The following FHIT variants were observed in gnomAD, a reference collection of about 807,000 sequenced individuals.
FHIT encodes the protein fragile histidine triad diadenosine triphosphatase, also known as bis(5'-adenosyl)-triphosphatase.
Under a neutral mutation model 17.9 loss-of-function variants are expected in FHIT, and 19 were observed. The observed-to-expected ratio is 1.06, with a 90% CI of 0.74 to 1.56. FHIT has a LOEUF of 1.56. Ranked by LOEUF, FHIT falls within the 40% of genes most tolerant of loss-of-function variation. The pLI is 0.00. For missense variants in FHIT, 248 were observed against 189.2 expected (o/e 1.31, Z -1.82); for synonymous variants, 81 against 69.7 (o/e 1.16, Z -0.81).
intron 6 of FHIT, among the ~76,000 whole-genome samples, chr3:60,012,401 T>G (rs1039983667): frequency 1.3e-5 from 2 of 151,068 alleles, no homozygotes; most frequent in Admixed American, 1.3e-4. Context: ...CCTGAGTAAC[T>G]GGGACTACAG....
chr3:60,958,475 C>T (rs1709272079), intron 3 of FHIT, among the ~76,000 whole-genome samples: 1 of 152,212 alleles, frequency 6.6e-6, no homozygotes, highest in Admixed American at 6.5e-5. Context: ...ATTATTTATA[C>T]TTAAGTCTTG....
chr3:60,513,969 C>G (rs780831220), intron 5 of FHIT, among the ~76,000 whole-genome samples: 1 of 152,184 alleles, frequency 6.6e-6, no homozygotes, highest in Admixed American at 6.5e-5. Flanking sequence ...CAAGAGGCAG[C>G]TGGACATCGG....
intron 3 of FHIT, among the ~76,000 whole-genome samples, chr3:61,018,289 A>T (rs1419387453): frequency 6.6e-6 from 1 of 152,222 alleles, no homozygotes; most frequent in Non-Finnish European, 1.5e-5. Flanking sequence ...AGGAAAAAGA[A>T]AGAGTTTTGA....
intron 2 of FHIT, among the ~76,000 whole-genome samples, chr3:61,145,768 CTAT>C (rs1203715143): frequency 6.6e-6 from 1 of 151,154 alleles, no homozygotes; most frequent in Non-Finnish European, 1.5e-5. Flanking sequence ...TTTTTGGCTG[CTAT>C]TATAAATAAG....
intron 7 of FHIT, among the ~76,000 whole-genome samples, chr3:59,976,984 TG>T (rs1262688414): frequency 2.0e-5 from 3 of 152,012 alleles, no homozygotes; most frequent in African/African-American, 7.2e-5. Flanking sequence ...ACCACCTGGT[TG>T]GGGTTGGGGT....
At chr3:60,630,287 C>T (rs115243927) in intron 4 of FHIT, among the ~76,000 whole-genome samples, 283 of 152,208 alleles carry the variant, frequency 1.9e-3, no homozygotes, top group African/African-American at 6.6e-3. Context: ...GTGAGGAAGT[C>T]GACACCAAAA....
At chr3:59,936,948 G>T (rs879577746) in intron 7 of FHIT, among the ~76,000 whole-genome samples, 5 of 152,160 alleles carry the variant, frequency 3.3e-5, no homozygotes, top group Non-Finnish European at 7.4e-5. Flanking sequence ...CCAGAAAGTA[G>T]AACCAGAAAT....
intron 5 of FHIT, among the ~76,000 whole-genome samples, chr3:60,521,324 T>C (rs2035353224): frequency 6.6e-6 from 1 of 152,096 alleles, no homozygotes; most frequent in Non-Finnish European, 1.5e-5. Flanking sequence ...CTCGGCTCAC[T>C]GCAAGCTCCG....
chr3:60,015,116 G>A (rs1007865638), intron 5 of FHIT, among the ~76,000 whole-genome samples: 3 of 151,664 alleles, frequency 2.0e-5, no homozygotes, highest in African/African-American at 7.3e-5. Flanking sequence ...TTTTCTTGTT[G>A]TTTTAAGACA....
intron 4 of FHIT, among the ~76,000 whole-genome samples, chr3:60,801,514 C>G (rs972393747): frequency 6.6e-6 from 1 of 152,222 alleles, no homozygotes; most frequent in Non-Finnish European, 1.5e-5. Flanking sequence ...CCAGTGGGGG[C>G]TAGTTGGCCT....
At chr3:60,868,815 G>A (rs1306966945) in intron 3 of FHIT, among the ~76,000 whole-genome samples, 4 of 152,132 alleles carry the variant, frequency 2.6e-5, no homozygotes, top group Non-Finnish European at 5.9e-5. Flanking sequence ...CTCAGGACAT[G>A]CATGAAAATA....
intron 2 of FHIT, among the ~76,000 whole-genome samples, chr3:61,059,980 G>A (rs930952413): frequency 1.3e-5 from 2 of 152,090 alleles, no homozygotes; most frequent in African/African-American, 4.8e-5. Flanking sequence ...CCCCATCTTA[G>A]TGAGTATGAG....
intron 7 of FHIT, among the ~76,000 whole-genome samples, chr3:60,010,124 G>A (rs1700083783): frequency 6.6e-6 from 1 of 152,142 alleles, no homozygotes; most frequent in African/African-American, 2.4e-5. Flanking sequence ...TTTGAATACT[G>A]AGTTTTAAAA....
At chr3:61,102,335 C>G (rs1458630431) in intron 2 of FHIT, among the ~76,000 whole-genome samples, 1 of 152,054 alleles carries the variant, frequency 6.6e-6, no homozygotes, top group African/African-American at 2.4e-5. Flanking sequence ...GTCTTTGGTT[C>G]TGTTTATGTG....
At chr3:60,316,419 T>G (rs549222864) in intron 5 of FHIT, among the ~76,000 whole-genome samples, 24 of 152,266 alleles carry the variant, frequency 1.6e-4, no homozygotes, top group African/African-American at 5.8e-4. Context: ...TTAGGATAGG[T>G]TGAAAATTAA....
At chr3:60,772,768 C>G (rs1700088332) in intron 4 of FHIT, among the ~76,000 whole-genome samples, 1 of 152,114 alleles carries the variant, frequency 6.6e-6, no homozygotes, top group African/African-American at 2.4e-5. Flanking sequence ...CAGGCAACAT[C>G]ACTATTGTAG....
At chr3:59,951,675 A>C (rs6782693) in intron 7 of FHIT, among the ~76,000 whole-genome samples, 142,273 of 152,044 alleles carry the variant, frequency 0.94, 66,829 homozygotes, top group East Asian at 1. Context: ...CCTAAGTTCC[A>C]AATAGAACTT....
chr3:60,964,191 T>C (rs1553782259), intron 3 of FHIT, among the ~76,000 whole-genome samples: 1 of 152,204 alleles, frequency 6.6e-6, no homozygotes, highest in Non-Finnish European at 1.5e-5. Context: ...TGTAATGGCC[T>C]TCTTTGTCTC....
intron 5 of FHIT, among the ~76,000 whole-genome samples, chr3:60,462,298 T>C (rs2032522917): frequency 6.6e-6 from 1 of 152,126 alleles, no homozygotes; most frequent in Admixed American, 6.5e-5. Flanking sequence ...CACTCCCCTT[T>C]TACAGAGGAG....
Sources: gnomAD v4.1 joint callset for allele counts (sites outside exome capture counted in the v4.1 genomes callset) on GRCh38, gnomAD v4.1.1 for gene constraint, MANE v1.5 for transcripts, NCBI Gene and HGNC (gene_info 2026-07-23, HGNC 2026-07-21) for gene names.